CFAP20DC: variants seen among roughly 807,000 people sequenced by gnomAD.
CFAP20DC encodes protein CFAP20DC.
CFAP20DC carries 84 observed loss-of-function variants against 101.7 expected under a neutral mutation model. The ratio of observed to expected loss-of-function variants is 0.83; its 90% CI spans 0.69 to 0.99. The LOEUF is 0.99. CFAP20DC is among the 50% of genes least tolerant of loss of function. The pLI is 0.00. For synonymous variants in CFAP20DC, 359 were observed against 351.2 expected, an observed-to-expected ratio of 1.02 and a Z score of -0.25; for missense variants, 1,007 against 970.3, an observed-to-expected ratio of 1.04 and a Z score of -0.50.
At chr3:58,860,706 C>A (rs998718360) in intron 12 of CFAP20DC, among the ~76,000 whole-genome samples, 1 of 152,122 alleles carries the variant, frequency 6.6e-6, no homozygotes, top group Non-Finnish European at 1.5e-5. Context: ...CAGGTGTATA[C>A]ACTAGAAGCC....
At chr3:58,803,583 A>G (rs1048738683) in intron 15 of CFAP20DC, among the ~76,000 whole-genome samples, 4 of 152,202 alleles carry the variant, frequency 2.6e-5, no homozygotes, top group Non-Finnish European at 5.9e-5. Context: ...TTCCATTTTT[A>G]TATGATGATA....
rs573317919 is a variant in CFAP20DC at position 58,854,522 on chromosome 3, T to C, written c.1594-5113A>G. Reference sequence around the variant, plus strand: ...TATGGCACCAAAAAAGAGCCCACATTGCCAAGTCAATCCTGAGCCAAAAGA... The same window carrying C: ...TATGGCACCAAAAAAGAGCCCACATCGCCAAGTCAATCCTGAGCCAAAAGA... On this transcript the variant is annotated intron_variant, in intron 12 of 16. Transcript: ENST00000482387. 3.3e-4 allele frequency among the ~76,000 whole-genome samples: 50 copies of C among 152,252 alleles called. 2 individuals are homozygous for C. In the South Asian group the frequency reaches 0.01, roughly 32 times the overall value.
intron 3 of CFAP20DC, among the ~76,000 whole-genome samples, chr3:59,044,550 T>C (rs1047331727): frequency 4.2e-4 from 64 of 152,074 alleles, no homozygotes; most frequent in African/African-American, 1.3e-3. Context: ...AAAGTAATTA[T>C]GATACATTAA....
At chr3:58,742,630 A>G (rs1021819747) in intron 16 of CFAP20DC, 58 bp from the exon 17 acceptor site, 3 of 1,273,800 alleles carry the variant, frequency 2.4e-6, no homozygotes, top group African/African-American at 1.5e-5. Context: ...GAATCCCCAA[A>G]CAAGGGCAAC....
chr3:59,020,384 C>G (rs771367948), intron 4 of CFAP20DC, among the ~76,000 whole-genome samples: 10 of 152,010 alleles, frequency 6.6e-5, no homozygotes, highest in Admixed American at 6.6e-5. Context: ...TACCAATGCA[C>G]AAGAGACAAG....
chr3:58,743,820 C>A (rs1399709348), intron 16 of CFAP20DC, among the ~76,000 whole-genome samples: 1 of 152,102 alleles, frequency 6.6e-6, no homozygotes. Flanking sequence ...GGAGTTAAGT[C>A]CAAGGGAGTG....
intron 13 of CFAP20DC, among the ~76,000 whole-genome samples, 176 bp from the exon 14 acceptor site, chr3:58,832,065 C>A (rs919441745): frequency 2.6e-5 from 4 of 152,140 alleles, no homozygotes; most frequent in Non-Finnish European, 5.9e-5. Flanking sequence ...TCCATTTGCT[C>A]CTCACATGCC....
At chr3:58,854,213 C>A (rs910678136) in intron 12 of CFAP20DC, among the ~76,000 whole-genome samples, 4 of 151,618 alleles carry the variant, frequency 2.6e-5, no homozygotes, top group African/African-American at 9.7e-5. Context: ...AGAGCCAAAT[C>A]ATGAGTGAAC....
Position 58,806,399 on chromosome 3 carries a change from G to A in CFAP20DC, c.2233C>T (p.Pro745Ser), listed in dbSNP as rs763338980. The A allele has an allele frequency of 6.3e-7, 1 of 1,592,198 alleles. No homozygotes were observed. Among genetic ancestry groups the A allele is most frequent in the South Asian group, 1.1e-5 (1 of 90,590 alleles). ...TAGATTATTAATGATTCTTACCGGG[G>A]ATTAGAAGGAGAAGGTGGGTTCATT... is the stretch of plus-strand genomic sequence containing the variant. The part of the protein sequence containing the change: ...KEMNPPSPSN[P>S]RDWLNMLSPP... The change falls in exon 15 of 17, where the codon CCC (proline) becomes TCC (serine). Residue 745 changes from proline to serine, a missense_variant. By Grantham distance (74) the Pro-to-Ser change is moderately conservative. Coordinates refer to ENST00000482387, the MANE Select transcript of CFAP20DC (RefSeq NM_001394063.1).
At chr3:58,884,438 C>G in intron 7 of CFAP20DC, 107 bp downstream of exon 7, 2 of 1,031,228 alleles carry the variant, frequency 1.9e-6, no homozygotes, top group Non-Finnish European at 2.9e-6. Flanking sequence ...CTGTTAAGTG[C>G]GAAGGATATA....
At chr3:58,904,079 T>C (rs937947432) in intron 6 of CFAP20DC, among the ~76,000 whole-genome samples, 8 of 152,190 alleles carry the variant, frequency 5.3e-5, no homozygotes, top group Non-Finnish European at 8.8e-5. Flanking sequence ...TGAATCTGTA[T>C]CTCAACAATA....
At position 59,002,744 on chromosome 3, in the gene CFAP20DC, G is replaced by C. The variant is rs116602656; in HGVS notation, c.278+36813C>G. 7.3e-3 allele frequency among the ~76,000 whole-genome samples: 1,108 copies of C among 152,246 alleles called. 17 individuals carry two copies. Among genetic ancestry groups the C allele is most frequent in the African/African-American group, 0.025 (1,055 of 41,546 alleles). On this transcript the variant is annotated intron_variant, in intron 4 of 16. Coordinates refer to ENST00000482387, the MANE Select transcript of CFAP20DC (RefSeq NM_001394063.1). The surrounding 1 kb of genome is among the most constrained non-coding windows in gnomAD (Gnocchi z 4.5). ...TTCAACTTTCTTCCTCACTCAAAGAGATGTTATTTTAAGTAAATATAAAAA... is the reference window on the plus strand; with the variant it reads ...TTCAACTTTCTTCCTCACTCAAAGACATGTTATTTTAAGTAAATATAAAAA...
chr3:58,730,073 G>A (rs1181789096), intron 3 of CFAP20DC, among the ~76,000 whole-genome samples: 1 of 151,474 alleles, frequency 6.6e-6, no homozygotes, highest in Admixed American at 6.6e-5. Context: ...TTTTCAGCAG[G>A]TGACACAATA....
chr3:58,766,833 C>T (rs973634106), intron 15 of CFAP20DC, among the ~76,000 whole-genome samples: 2 of 152,228 alleles, frequency 1.3e-5, no homozygotes, highest in Non-Finnish European at 2.9e-5. Context: ...TTCCTCCCCT[C>T]TTTCTACTGT....
intron 4 of CFAP20DC, among the ~76,000 whole-genome samples, chr3:59,024,090 A>T (rs571364614): frequency 6.6e-6 from 1 of 152,282 alleles, no homozygotes; most frequent in South Asian, 2.1e-4. Flanking sequence ...TATGAATGGA[A>T]ATTCTAAATG....
intron 12 of CFAP20DC, among the ~76,000 whole-genome samples, chr3:58,852,896 T>C (rs963049357): frequency 2.7e-5 from 4 of 150,838 alleles, no homozygotes; most frequent in African/African-American, 9.8e-5. Context: ...AGATCCAAAA[T>C]TGACACCCTA....
At chr3:58,936,165 A>G (rs1158282931) in intron 5 of CFAP20DC, among the ~76,000 whole-genome samples, 4 of 152,184 alleles carry the variant, frequency 2.6e-5, no homozygotes, top group Admixed American at 2.0e-4. Flanking sequence ...CAAAACACAC[A>G]TGAAAAAATG....
chr3:58,887,967 T>C (rs907422263), intron 6 of CFAP20DC, among the ~76,000 whole-genome samples: 1 of 152,252 alleles, frequency 6.6e-6, no homozygotes, highest in African/African-American at 2.4e-5. Flanking sequence ...GTCTCATTTT[T>C]GTGAAACCAA....
At chr3:59,028,578 T>C (rs572079048) in intron 4 of CFAP20DC, among the ~76,000 whole-genome samples, 4 of 152,258 alleles carry the variant, frequency 2.6e-5, no homozygotes, top group African/African-American at 9.6e-5. Context: ...AAAATAACAA[T>C]ATTTACAAGT....
Sources: gnomAD v4.1 joint callset for allele counts (sites outside exome capture counted in the v4.1 genomes callset) on GRCh38, gnomAD v4.1.1 for gene constraint, Gnocchi (gnomAD v3.1) non-coding constraint, MANE v1.5 for transcripts, NCBI Gene and HGNC (gene_info 2026-07-23, HGNC 2026-07-21) for gene names.